RSPO2: variants seen among roughly 807,000 people sequenced by gnomAD.
The protein encoded by RSPO2 is R-spondin 2.
Under a neutral mutation model 30.9 loss-of-function variants are expected in RSPO2, and 14 were observed. That is an observed-to-expected ratio of 0.45 (90% CI 0.30 to 0.71). RSPO2 has a LOEUF of 0.71. RSPO2 is among the 30% of genes least tolerant of loss of function. The probability of loss-of-function intolerance (pLI) is 0.08; values close to 1 mark genes in which losing one functional copy is unlikely to be tolerated. For synonymous variants in RSPO2, 107 were observed against 96.4 expected, an observed-to-expected ratio of 1.11 and a Z score of -0.64; for missense variants, 264 against 301.9, an observed-to-expected ratio of 0.87 and a Z score of 0.93.
chr8:108,006,399 A>G (rs904174470), intron 2 of RSPO2, among the ~76,000 whole-genome samples: 1 of 152,126 alleles, frequency 6.6e-6, no homozygotes, highest in Non-Finnish European at 1.5e-5. Context: ...TAAAAAATTA[A>G]GCTCACTTAC....
chr8:108,059,265 T>G (rs1812368038), intron 2 of RSPO2, among the ~76,000 whole-genome samples: 1 of 151,800 alleles, frequency 6.6e-6, no homozygotes, highest in Admixed American at 6.6e-5. Context: ...TCACCATCAC[T>G]GGCCATCAGA....
intron 5 of RSPO2, among the ~76,000 whole-genome samples, chr8:107,931,175 T>C (rs1014794412): frequency 1.3e-5 from 2 of 152,304 alleles, no homozygotes; most frequent in South Asian, 2.1e-4. Flanking sequence ...CACTAAAAAT[T>C]GATACCAACA....
intron 5 of RSPO2, among the ~76,000 whole-genome samples, chr8:107,954,592 A>ATTTATTTATTTAT (rs995464250): frequency 2.8e-5 from 1 of 36,322 alleles, no homozygotes; most frequent in Non-Finnish European, 1.2e-4. Flanking sequence ...TCCATCTTTT[A>ATTTATTTATTTAT]TTTATTTATT....
chr8:107,928,568 T>C (rs955188489), intron 5 of RSPO2, among the ~76,000 whole-genome samples: 3 of 152,178 alleles, frequency 2.0e-5, no homozygotes, highest in Non-Finnish European at 4.4e-5. Context: ...ATGTATGGAA[T>C]GTTTAAAAGT....
intron 2 of RSPO2, among the ~76,000 whole-genome samples, chr8:108,051,794 G>T (rs984325102): frequency 6.6e-6 from 1 of 152,208 alleles, no homozygotes; most frequent in Non-Finnish European, 1.5e-5. Context: ...TCCAGCTCAA[G>T]ACTGGTCTCT....
rs201657689 is a variant in RSPO2, at chr8:107,901,761, T to C, written c.617-571A>G. 2.6e-5 allele frequency among the ~76,000 whole-genome samples: 4 copies of C among 152,380 alleles called. No homozygotes were observed. The East Asian group carries it at 5.8e-4, about 22-fold the overall frequency. On this transcript the variant is annotated intron_variant, in intron 5 of 5. Coordinates refer to ENST00000276659, the MANE Select transcript of RSPO2 (RefSeq NM_178565.5). ...GAGACATCATTCATTATATACCTTA[T>C]GGCTTCTTATCCAAATCCCCTGGAC...
At chr8:108,041,502 AG>A (rs1177865569) in intron 2 of RSPO2, among the ~76,000 whole-genome samples, 2 of 152,128 alleles carry the variant, frequency 1.3e-5, no homozygotes, top group African/African-American at 4.8e-5. Flanking sequence ...CATCTGAAAT[AG>A]GAAGAAAAAA....
intron 4 of RSPO2, among the ~76,000 whole-genome samples, chr8:107,959,142 G>A (rs1813538753): frequency 6.6e-6 from 1 of 152,110 alleles, no homozygotes; most frequent in African/African-American, 2.4e-5. Context: ...GTTTTAGTTG[G>A]GAAGCACTTG....
chr8:107,995,913 A>G lies in RSPO2; in HGVS notation c.95-6669T>C, dbSNP rs534295494. ...CACTATGGTATTTTGTTACACCTTA[A>G]TATTGCCAGATAATTATGATTTGAA... On this transcript the variant is annotated intron_variant, in intron 2 of 5. Coordinates refer to ENST00000276659, the MANE Select transcript of RSPO2 (RefSeq NM_178565.5). Among the ~76,000 whole-genome samples the G allele has an allele frequency of 3.3e-5, 5 of 152,264 alleles. No homozygotes were observed. In the East Asian group the frequency reaches 5.8e-4, roughly 18 times the overall value.
At chr8:107,940,208 G>A (rs150180013) in intron 5 of RSPO2, among the ~76,000 whole-genome samples, 59 of 152,164 alleles carry the variant, frequency 3.9e-4, no homozygotes, top group Admixed American at 1.2e-3. Context: ...TTTTCTCAGA[G>A]GTGGTCATTT....
intron 2 of RSPO2, among the ~76,000 whole-genome samples, chr8:108,010,810 A>T (rs1161610501): frequency 6.6e-6 from 1 of 152,170 alleles, no homozygotes; most frequent in Non-Finnish European, 1.5e-5. Flanking sequence ...GCACACCCAG[A>T]AATAAAAATG....
intron 3 of RSPO2, 116 bp downstream of exon 3, chr8:107,988,940 T>A: frequency 1.0e-6 from 1 of 962,296 alleles, no homozygotes. Context: ...CTTAAACTAT[T>A]TCTATCACCT....
At position 107,995,613 on chromosome 8, in the gene RSPO2, T is replaced by C. The variant is rs56412106; in HGVS notation, c.95-6369A>G. Among the ~76,000 whole-genome samples, 1,218 of 152,196 alleles carry C rather than the reference T, an allele frequency of 8.0e-3. 12 individuals carry two copies. Among genetic ancestry groups the C allele is most frequent in the African/African-American group, 0.028 (1,149 of 41,538 alleles). ...TGCTTTTATGAAGACCACAACCAGT[T>C]TTCTCATCCCTCATTCAAGATCTCA... On this transcript the variant is annotated intron_variant, in intron 2 of 5. Coordinates refer to ENST00000276659, the MANE Select transcript of RSPO2 (RefSeq NM_178565.5).
chr8:107,904,203 A>G (rs1586526174), intron 5 of RSPO2, among the ~76,000 whole-genome samples: 3 of 152,016 alleles, frequency 2.0e-5, no homozygotes, highest in Admixed American at 6.6e-5. Flanking sequence ...CTAGACTTCA[A>G]TTGCTGCACA....
chr8:107,923,105 GCA>G lies in RSPO2; in HGVS notation c.617-21917_617-21916del, dbSNP rs1812236357. Among the ~76,000 whole-genome samples, 5 of 152,106 alleles carry G rather than the reference GCA, an allele frequency of 3.3e-5. No homozygotes were observed. In the South Asian group the frequency reaches 1.0e-3, roughly 31 times the overall value. On this transcript the variant is annotated intron_variant, in intron 5 of 5. Coordinates refer to ENST00000276659, the MANE Select transcript of RSPO2 (RefSeq NM_178565.5). ...GATCTAATGAAACTTACGAGCTTCT[GCA>G]CAGCAAAAGAAACCATCAATAGAGT...
In RSPO2 at chr8:108,023,424, C is replaced by T. The variant is rs116285708; in HGVS notation, c.95-34180G>A. On this transcript the variant is annotated intron_variant, in intron 2 of 5. Coordinates refer to ENST00000276659, the MANE Select transcript of RSPO2 (RefSeq NM_178565.5). ...CAAGAGAGTCTTTGTCAAGGAAACC[C>T]GAGTTCAAGTGCATGAGGATCAGAT... Among the ~76,000 whole-genome samples the T allele has an allele frequency of 3.7e-3, 568 of 152,214 alleles. 2 individuals are homozygous for T. Among genetic ancestry groups the T allele is most frequent in the African/African-American group, 0.013 (534 of 41,516 alleles).
At chr8:108,049,121 A>G (rs971833224) in intron 2 of RSPO2, among the ~76,000 whole-genome samples, 2 of 152,004 alleles carry the variant, frequency 1.3e-5, no homozygotes, top group Admixed American at 6.6e-5. Context: ...TGGGGGACGG[A>G]TAGCATTAGG....
intron 5 of RSPO2, among the ~76,000 whole-genome samples, chr8:107,943,924 G>A (rs1812976495): frequency 6.6e-6 from 1 of 152,148 alleles, no homozygotes; most frequent in Admixed American, 6.5e-5. Context: ...AAGAACAGAG[G>A]GAGAGGGGGA....
chr8:107,903,034 G>A (rs947275077), intron 5 of RSPO2, among the ~76,000 whole-genome samples: 1 of 152,016 alleles, frequency 6.6e-6, no homozygotes, highest in African/African-American at 2.4e-5. Context: ...CTCTAATGAT[G>A]AGACACACCA....
Sources: gnomAD v4.1 joint callset for allele counts (sites outside exome capture counted in the v4.1 genomes callset) on GRCh38, gnomAD v4.1.1 for gene constraint, MANE v1.5 for transcripts, NCBI Gene and HGNC (gene_info 2026-07-23, HGNC 2026-07-21) for gene names.